Variants in CCDC141 observed in about 807,000 individuals in gnomAD.
The protein encoded by CCDC141 is coiled-coil domain-containing protein 141.
A neutral mutation model predicts 181.0 loss-of-function variants in CCDC141; 168 were observed. That is an observed-to-expected ratio of 0.93 (90% CI 0.82 to 1.05). CCDC141 has a LOEUF of 1.05. CCDC141 is among the 50% of genes least tolerant of loss of function. CCDC141 has a pLI of 0.00. For missense variants in CCDC141, 1,902 were observed against 1,788.5 expected (o/e 1.06, Z -1.14); for synonymous variants, 666 against 642.3 (o/e 1.04, Z -0.56).
chr2:178,860,149 A>G (rs925470565), intron 17 of CCDC141, among the ~76,000 whole-genome samples: 1 of 152,134 alleles, frequency 6.6e-6, no homozygotes, highest in African/African-American at 2.4e-5. Context: ...TTCACTCCAG[A>G]AAAAAAGCTT....
intron 17 of CCDC141, among the ~76,000 whole-genome samples, chr2:178,864,276 A>G (rs1185632305): frequency 6.6e-6 from 1 of 152,210 alleles, no homozygotes; most frequent in South Asian, 2.1e-4. Context: ...GGAATAAAGA[A>G]GATCACTTTA....
intron 2 of CCDC141, among the ~76,000 whole-genome samples, chr2:179,023,371 C>G (rs1222189770): frequency 6.6e-6 from 1 of 152,136 alleles, no homozygotes; most frequent in South Asian, 2.1e-4. Flanking sequence ...CAAGCAGCAA[C>G]ACTGGAATGC....
At position 179,047,385 on chromosome 2, in the gene CCDC141, G is replaced by A. The variant is rs1465021940; in HGVS notation, c.124C>T (p.Gln42Ter). 2 of 1,526,404 alleles carry A rather than the reference G, an allele frequency of 1.3e-6. No individual in the cohort carries two copies. The highest frequency in any genetic ancestry group is 1.8e-6 in the Non-Finnish European group (2 of 1,139,274). 94.6% of individuals were successfully genotyped at this position (1,526,404 alleles called of 1,614,324 possible). A position where few individuals can be genotyped will look rare whatever the true frequency, so the allele number is the denominator to read the frequency against. ...VIKCGKWVQL[Q>*]LAESQPNLLE... ...AGATTGGGCTGTGATTCAGCCAGTTGAAGTTGTACCCATTTGCCACACTAA... is the reference window on the plus strand; with the variant it reads ...AGATTGGGCTGTGATTCAGCCAGTTAAAGTTGTACCCATTTGCCACACTAA... Residue 42 changes from glutamine to a stop codon, truncating the protein, a stop_gained, in exon 2 of 24, where the codon CAA becomes TAA. Coordinates refer to ENST00000443758, the MANE Select transcript of CCDC141 (RefSeq NM_173648.4). LOFTEE classifies it high-confidence loss of function.
At chr2:178,992,536 TTCTC>T (rs1213958848) in intron 2 of CCDC141, among the ~76,000 whole-genome samples, 1 of 152,144 alleles carries the variant, frequency 6.6e-6, no homozygotes, top group Non-Finnish European at 1.5e-5. Context: ...TATTTGCTGT[TTCTC>T]TCTGTAAGAG....
intron 2 of CCDC141, among the ~76,000 whole-genome samples, chr2:179,037,226 C>A (rs78538889): frequency 0.033 from 5,067 of 152,246 alleles, 96 homozygotes; most frequent in South Asian, 0.058. Flanking sequence ...ACACAGGCCT[C>A]CCTACTTGTG....
chr2:178,857,492 G>A (rs1318866410), intron 17 of CCDC141, among the ~76,000 whole-genome samples: 1 of 152,168 alleles, frequency 6.6e-6, no homozygotes, highest in Non-Finnish European at 1.5e-5. Flanking sequence ...AAAGCATATA[G>A]CTATACATAG....
At chr2:179,039,107 A>T (rs761171338) in intron 2 of CCDC141, among the ~76,000 whole-genome samples, 1 of 152,156 alleles carries the variant, frequency 6.6e-6, no homozygotes, top group East Asian at 1.9e-4. Context: ...ATGGTTTGGA[A>T]ATCTAGACGC....
intron 6 of CCDC141, among the ~76,000 whole-genome samples, chr2:178,926,313 A>G (rs529540991): frequency 3.0e-4 from 46 of 152,338 alleles, no homozygotes; most frequent in Non-Finnish European, 5.3e-4. Context: ...TAATTATACC[A>G]AAAATTGGAA....
chr2:178,920,695 TAC>T (rs59015092), intron 6 of CCDC141, among the ~76,000 whole-genome samples: 72,898 of 146,504 alleles, frequency 0.5, 18,370 homozygotes, highest in Non-Finnish European at 0.56. Context: ...CTGAACTCCA[TAC>T]ACACACACAC....
Position 179,027,069 on chromosome 2 carries a change from G to A in CCDC141, c.225+20215C>T, listed in dbSNP as rs185538805. Among the ~76,000 whole-genome samples, 410 of 152,326 alleles carry A rather than the reference G, an allele frequency of 2.7e-3. 3 individuals are homozygous for A. The highest frequency in any genetic ancestry group is 9.1e-3 in the African/African-American group (380 of 41,568). Reference sequence around the variant, plus strand: ...CCCACCTCAGATGAGACGTTGGACTGTGGACTTTTGAGTTAATACTGAAAT... The same window carrying A: ...CCCACCTCAGATGAGACGTTGGACTATGGACTTTTGAGTTAATACTGAAAT... On this transcript the variant is annotated intron_variant, in intron 2 of 23. Coordinates refer to ENST00000443758, the MANE Select transcript of CCDC141 (RefSeq NM_173648.4).
chr2:178,834,267 C>A lies in CCDC141; in HGVS notation c.4499G>T (p.Gly1500Val), dbSNP rs199532854. 5.7e-5 allele frequency: 87 copies of A among 1,536,014 alleles called. No homozygotes were observed. Among genetic ancestry groups the A allele is most frequent in the Admixed American group, 3.9e-4 (20 of 50,966 alleles). The change falls in exon 24 of 24, where the codon GGT becomes GTT. Residue 1500 changes from glycine to valine, a missense_variant. Coordinates refer to ENST00000443758, the MANE Select transcript of CCDC141 (RefSeq NM_173648.4). ...LSSNVILHVT[G>V]NCRLPITRVN... The stretch of plus-strand genomic sequence containing the variant: ...TCTTGTGATTGGCAGCCTGCAGTTA[C>A]CTGTCACGTGGAGGATGACATTGGA...
chr2:178,986,311 A>G lies in CCDC141; in HGVS notation c.226-7636T>C, dbSNP rs1414698450. Among the ~76,000 whole-genome samples, 4 of 152,108 alleles carry G rather than the reference A, an allele frequency of 2.6e-5. No homozygotes were observed. The South Asian group carries it at 6.2e-4, about 24-fold the overall frequency. On this transcript the variant is annotated intron_variant, in intron 2 of 23. Transcript: ENST00000443758. ...TCAATAAATTAGGTATTGATGGGAC[A>G]TATTTCAAAATAATAAGAGCTATCT...
intron 11 of CCDC141, among the ~76,000 whole-genome samples, chr2:178,880,389 G>A (rs1435857763): frequency 6.6e-6 from 1 of 152,070 alleles, no homozygotes; most frequent in African/African-American, 2.4e-5. Context: ...CTTTTGTTTT[G>A]GCTGCAAAAA....
intron 8 of CCDC141, among the ~76,000 whole-genome samples, chr2:178,895,016 C>T (rs1687339864): frequency 2.0e-5 from 3 of 151,994 alleles, no homozygotes; most frequent in Admixed American, 2.0e-4. Flanking sequence ...GTCCCCTGGC[C>T]CTCCTCACCT....
intron 6 of CCDC141, among the ~76,000 whole-genome samples, chr2:178,935,837 C>G (rs1197346654): frequency 1.3e-5 from 2 of 152,082 alleles, no homozygotes; most frequent in Non-Finnish European, 2.9e-5. Context: ...TTGTATTTCT[C>G]TAATAATCAG....
At position 178,865,763 on chromosome 2, in the gene CCDC141, C is replaced by T. The variant is rs1685819877; in HGVS notation, c.2724+4G>A. 1 of 1,504,298 alleles carries T rather than the reference C, an allele frequency of 6.6e-7. No individual in the cohort carries two copies. Among genetic ancestry groups the T allele is most frequent in the Middle Eastern group, 1.8e-4 (1 of 5,632 alleles). The allele number at this position is 1,504,298 out of a possible 1,614,324, so 93.2% of individuals were successfully genotyped here. On this transcript the variant is annotated splice_donor_region_variant and intron_variant, in intron 17 of 23. Coordinates refer to ENST00000443758, the MANE Select transcript of CCDC141 (RefSeq NM_173648.4). Reference sequence around the variant, plus strand: ...GTGCCAGTTCTCACCCCTCCCACACCCACCTCATTTATCTCGTCTCTCATG... The same window carrying T: ...GTGCCAGTTCTCACCCCTCCCACACTCACCTCATTTATCTCGTCTCTCATG...
chr2:178,856,865 T>G (rs963375789), intron 17 of CCDC141, among the ~76,000 whole-genome samples: 1 of 152,066 alleles, frequency 6.6e-6, no homozygotes, highest in Admixed American at 6.6e-5. Flanking sequence ...GATTACAGGC[T>G]TGAGCCACCG....
intron 5 of CCDC141, among the ~76,000 whole-genome samples, chr2:178,953,203 G>A (rs1357744273): frequency 1.3e-5 from 2 of 152,124 alleles, no homozygotes; most frequent in East Asian, 3.9e-4. Flanking sequence ...TTGGGAGGCC[G>A]AGGCAGGCGG....
chr2:178,946,304 G>T (rs1689730041), intron 5 of CCDC141, among the ~76,000 whole-genome samples: 2 of 152,132 alleles, frequency 1.3e-5, no homozygotes, highest in Non-Finnish European at 2.9e-5. Flanking sequence ...AAAACACAGA[G>T]AATATTTTAT....
Sources: gnomAD v4.1 joint callset for allele counts (sites outside exome capture counted in the v4.1 genomes callset) on GRCh38, gnomAD v4.1.1 for gene constraint, MANE v1.5 for transcripts, NCBI Gene and HGNC (gene_info 2026-07-23, HGNC 2026-07-21) for gene names.